BMPR1A: variants seen among roughly 807,000 people sequenced by gnomAD.
BMPR1A encodes the protein bone morphogenetic protein receptor type-1A.
In BMPR1A, 7 loss-of-function variants were observed where a neutral mutation model predicts 66.0. That is an observed-to-expected ratio of 0.11 (90% CI 0.06 to 0.20). The LOEUF is 0.20. BMPR1A is among the 10% of genes least tolerant of loss of function. BMPR1A has a pLI of 1.00. For missense variants in BMPR1A, 408 were observed against 669.1 expected, an observed-to-expected ratio of 0.61 and a Z score of 4.31; for synonymous variants, 200 against 229.7, an observed-to-expected ratio of 0.87 and a Z score of 1.17.
chr10:86,850,054 C>T (rs968700762), intron 2 of BMPR1A, among the ~76,000 whole-genome samples: 2 of 152,114 alleles, frequency 1.3e-5, no homozygotes, highest in African/African-American at 2.4e-5. Flanking sequence ...GGTGCAGTGG[C>T]TCATGCCTGT....
At chr10:86,852,689 A>G in intron 2 of BMPR1A, among the ~76,000 whole-genome samples, 1 of 152,086 alleles carries the variant, frequency 6.6e-6, no homozygotes, top group South Asian at 2.1e-4. Context: ...AGAGCATGGC[A>G]GTAAATTCAA....
rs1157725692 is a variant in BMPR1A, at chr10:86,926,059, G to A, written c.*2340G>A. The A allele has an allele frequency of 5.8e-6, 1 of 171,236 alleles. No homozygotes were observed. 10.6% of individuals were successfully genotyped at this position (171,236 alleles called of 1,614,324 possible). A position where few individuals can be genotyped will look rare whatever the true frequency, so the allele number is the denominator to read the frequency against. ...ATTGGAAATGTTCAAATGGTGTGTG[G>A]AAGCAAAAAATTACAGCCAGTATAT... On this transcript the variant is annotated 3_prime_UTR_variant, in exon 13 of 13. Coordinates refer to ENST00000372037, the MANE Select transcript of BMPR1A (RefSeq NM_004329.3).
At chr10:86,878,599 T>G (rs1394006717) in intron 3 of BMPR1A, among the ~76,000 whole-genome samples, 3 of 152,224 alleles carry the variant, frequency 2.0e-5, no homozygotes, top group Non-Finnish European at 2.9e-5. Flanking sequence ...CTGACATGTC[T>G]GTAATTTTCT....
chr10:86,779,107 T>C (rs1841398430), intron 1 of BMPR1A, among the ~76,000 whole-genome samples: 1 of 152,134 alleles, frequency 6.6e-6, no homozygotes. Flanking sequence ...TTCCACTGTG[T>C]ATGTATACCA....
At chr10:86,846,834 A>G (rs1842491637) in intron 2 of BMPR1A, among the ~76,000 whole-genome samples, 1 of 152,204 alleles carries the variant, frequency 6.6e-6, no homozygotes, top group Non-Finnish European at 1.5e-5. Flanking sequence ...CAACTCCAGA[A>G]AAAGAGGCTG....
At chr10:86,845,752 C>T (rs535625801) in intron 2 of BMPR1A, among the ~76,000 whole-genome samples, 10 of 152,264 alleles carry the variant, frequency 6.6e-5, no homozygotes, top group Admixed American at 4.6e-4. Context: ...AATCCCAGCA[C>T]TTTGGGAGGC....
intron 1 of BMPR1A, among the ~76,000 whole-genome samples, chr10:86,782,558 T>A (rs564660567): frequency 1.3e-5 from 2 of 152,322 alleles, no homozygotes; most frequent in African/African-American, 4.8e-5. Flanking sequence ...TGTGAGGTGA[T>A]ACCTCAGTGT....
chr10:86,868,766 G>A (rs140959886), intron 2 of BMPR1A, among the ~76,000 whole-genome samples: 18 of 134,978 alleles, frequency 1.3e-4, no homozygotes, highest in African/African-American at 4.1e-4. Flanking sequence ...ACTGACTTCA[G>A]CCTTTTCCTG....
intron 1 of BMPR1A, among the ~76,000 whole-genome samples, chr10:86,814,026 T>C (rs906922102): frequency 6.6e-6 from 1 of 152,162 alleles, no homozygotes; most frequent in Non-Finnish European, 1.5e-5. Context: ...GTTAATGTAG[T>C]TTTTTTCCCT....
chr10:86,855,080 C>G (rs533893051), intron 2 of BMPR1A: 1 of 249,166 alleles, frequency 4.0e-6, no homozygotes, highest in Non-Finnish European at 7.6e-6. Flanking sequence ...TTACAGGCAC[C>G]TGCCTCCACG....
intron 3 of BMPR1A, among the ~76,000 whole-genome samples, chr10:86,882,350 G>A (rs1397643203): frequency 1.3e-5 from 2 of 152,100 alleles, no homozygotes; most frequent in African/African-American, 2.4e-5. Context: ...TTGAACCAGG[G>A]AGGTGGAGGT....
In BMPR1A at chr10:86,927,470, A is replaced by T. The variant is rs11202264; in HGVS notation, c.*3751A>T. The T allele has an allele frequency of 0.013, 2,616 of 200,954 alleles. 66 individuals are homozygous for T. Among genetic ancestry groups the T allele is most frequent in the African/African-American group, 0.057 (2,472 of 43,624 alleles). 12.4% of individuals were successfully genotyped at this position (200,954 alleles called of 1,614,324 possible). ...TCTTGCCTTAGTGTGCTGCTGTGAG[A>T]GTCACAGTGGAAACTGCAGGGAGGA... is the stretch of plus-strand genomic sequence containing the variant. On this transcript the variant is annotated 3_prime_UTR_variant, in exon 13 of 13. Coordinates refer to ENST00000372037, the MANE Select transcript of BMPR1A (RefSeq NM_004329.3).
At chr10:86,764,965 T>C (rs1360338378) in intron 1 of BMPR1A, among the ~76,000 whole-genome samples, 2 of 152,220 alleles carry the variant, frequency 1.3e-5, no homozygotes, top group Admixed American at 1.3e-4. Flanking sequence ...GGCTCATGCC[T>C]GTAATCCCAG....
chr10:86,805,106 T>C (rs958615210), intron 1 of BMPR1A, among the ~76,000 whole-genome samples: 3 of 152,156 alleles, frequency 2.0e-5, no homozygotes, highest in Non-Finnish European at 2.9e-5. Flanking sequence ...TATAGTCATA[T>C]AGGATTAGGC....
intron 2 of BMPR1A, among the ~76,000 whole-genome samples, chr10:86,863,984 A>T (rs1259939088): frequency 1.3e-5 from 2 of 152,240 alleles, no homozygotes; most frequent in Non-Finnish European, 2.9e-5. Context: ...AATTGTATTC[A>T]TACATTAGTT....
chr10:86,777,908 G>A (rs1192325232), intron 1 of BMPR1A, among the ~76,000 whole-genome samples: 1 of 151,712 alleles, frequency 6.6e-6, no homozygotes, highest in Non-Finnish European at 1.5e-5. Context: ...ATCTACCGGG[G>A]ATGCTGAGGC....
rs970889878 is a variant in BMPR1A, at chr10:86,924,376, C to T, written c.*657C>T. 7 of 234,932 alleles carry T rather than the reference C, an allele frequency of 3.0e-5. No individual in the cohort carries two copies. Among genetic ancestry groups the T allele is most frequent in the East Asian group, 1.2e-4 (2 of 16,610 alleles). The allele number at this position is 234,932 out of a possible 1,614,324, so 14.6% of individuals were successfully genotyped here. The stretch of plus-strand genomic sequence containing the variant: ...AAAAATGCAATATCTGACCAAGATT[C>T]GCCAATCTCATACAAGCCATTTACT... On this transcript the variant is annotated 3_prime_UTR_variant, in exon 13 of 13. Transcript: ENST00000372037.
chr10:86,888,470 A>G (rs1322225999), intron 3 of BMPR1A, among the ~76,000 whole-genome samples: 1 of 152,162 alleles, frequency 6.6e-6, no homozygotes, highest in Non-Finnish European at 1.5e-5. Flanking sequence ...TCTATCTCAA[A>G]TAAAAATGTT....
intron 2 of BMPR1A, among the ~76,000 whole-genome samples, chr10:86,871,681 G>A (rs139787332): frequency 2.8e-4 from 43 of 152,044 alleles, no homozygotes; most frequent in South Asian, 8.3e-4. Context: ...TTGGTGACAC[G>A]TGCTTGTGGT....
Sources: gnomAD v4.1 joint callset for allele counts (sites outside exome capture counted in the v4.1 genomes callset) on GRCh38, gnomAD v4.1.1 for gene constraint, MANE v1.5 for transcripts, NCBI Gene and HGNC (gene_info 2026-07-23, HGNC 2026-07-21) for gene names.